Variants in ADCY2 observed in about 807,000 individuals in gnomAD.
ADCY2 encodes the protein adenylate cyclase type 2.
ADCY2 carries 31 observed loss-of-function variants against 125.2 expected under a neutral mutation model. The ratio of observed to expected loss-of-function variants is 0.25; its 90% confidence interval spans 0.19 to 0.33. The LOEUF (loss-of-function observed/expected upper bound fraction) is 0.33. ADCY2 is among the 10% of genes least tolerant of loss of function. ADCY2 has a pLI of 1.00. For missense variants in ADCY2, 904 were observed against 1,418.2 expected, an observed-to-expected ratio of 0.64 and a Z score of 5.82; for synonymous variants, 512 against 548.4, an observed-to-expected ratio of 0.93 and a Z score of 0.93.
intron 4 of ADCY2, among the ~76,000 whole-genome samples, chr5:7,663,781 G>C (rs898273464): frequency 6.6e-6 from 1 of 152,152 alleles, no homozygotes; most frequent in African/African-American, 2.4e-5. Context: ...GGGGCCCTGA[G>C]ATTAATGACA....
intron 22 of ADCY2, among the ~76,000 whole-genome samples, chr5:7,811,972 T>C (rs1744958021): frequency 6.6e-6 from 1 of 152,216 alleles, no homozygotes; most frequent in Non-Finnish European, 1.5e-5. Flanking sequence ...TGCTGGTGAC[T>C]GCTCACAGAG....
At chr5:7,469,281 C>G (rs1378994381) in intron 2 of ADCY2, among the ~76,000 whole-genome samples, 7 of 151,880 alleles carry the variant, frequency 4.6e-5, no homozygotes, top group Non-Finnish European at 7.4e-5. Flanking sequence ...ATATGTGTGA[C>G]TATATGAGTA....
intron 4 of ADCY2, among the ~76,000 whole-genome samples, chr5:7,682,813 A>G (rs1280648816): frequency 1.3e-5 from 2 of 152,216 alleles, no homozygotes; most frequent in African/African-American, 2.4e-5. Context: ...TTTGCATCCA[A>G]TGAGAATTAA....
intron 22 of ADCY2, among the ~76,000 whole-genome samples, chr5:7,810,048 A>T (rs1388848134): frequency 6.6e-6 from 1 of 151,978 alleles, no homozygotes; most frequent in Non-Finnish European, 1.5e-5. Flanking sequence ...TGCCCTCAAG[A>T]CCTCACTCTC....
At chr5:7,473,343 C>T (rs1579478910) in intron 2 of ADCY2, among the ~76,000 whole-genome samples, 1 of 152,114 alleles carries the variant, frequency 6.6e-6, no homozygotes, top group African/African-American at 2.4e-5. Flanking sequence ...GTGCAGACAT[C>T]ACATGGTGAG....
chr5:7,555,841 G>C (rs1435267935), intron 3 of ADCY2, among the ~76,000 whole-genome samples: 3 of 141,974 alleles, frequency 2.1e-5, no homozygotes, highest in African/African-American at 8.0e-5. Flanking sequence ...TTCTTTTACA[G>C]ACACATGTGA....
intron 4 of ADCY2, among the ~76,000 whole-genome samples, chr5:7,677,979 T>G (rs1181599414): frequency 6.6e-6 from 1 of 152,244 alleles, no homozygotes; most frequent in East Asian, 1.9e-4. Context: ...CATGTCAATT[T>G]AGTACTCTTA....
chr5:7,761,871 G>A (rs1020961631), intron 16 of ADCY2, among the ~76,000 whole-genome samples: 1 of 152,210 alleles, frequency 6.6e-6, no homozygotes, highest in Non-Finnish European at 1.5e-5. Flanking sequence ...CCTTTAGAGA[G>A]AGAACACCTG....
chr5:7,634,321 G>C (rs1267518191), intron 4 of ADCY2, among the ~76,000 whole-genome samples: 1 of 152,022 alleles, frequency 6.6e-6, no homozygotes, highest in Non-Finnish European at 1.5e-5. Flanking sequence ...TGAACTTTAG[G>C]GTTTTGTAAA....
intron 22 of ADCY2, among the ~76,000 whole-genome samples, chr5:7,805,404 T>G (rs933715708): frequency 6.6e-6 from 1 of 152,146 alleles, no homozygotes; most frequent in Admixed American, 6.5e-5. Context: ...TTGGGCAAAA[T>G]TGAATATCTT....
intron 4 of ADCY2, among the ~76,000 whole-genome samples, chr5:7,651,791 TTTTATTTA>T (rs796689635): frequency 7.2e-5 from 11 of 152,138 alleles, no homozygotes; most frequent in African/African-American, 2.6e-4. Flanking sequence ...CTTCACGTCT[TTTTATTTA>T]TTTATTTATT....
chr5:7,439,928 A>G (rs1740948324), intron 2 of ADCY2, among the ~76,000 whole-genome samples: 1 of 152,062 alleles, frequency 6.6e-6, no homozygotes, highest in Non-Finnish European at 1.5e-5. Flanking sequence ...GGGTGAGAGG[A>G]GAGTTCAGAG....
In ADCY2 at chr5:7,697,518, A is replaced by G. The variant is rs570928756; in HGVS notation, c.982-729A>G. Among the ~76,000 whole-genome samples, 8 of 152,312 alleles carry G rather than the reference A, an allele frequency of 5.3e-5. No individual in the cohort carries two copies. In the East Asian group the frequency reaches 1.5e-3, roughly 29 times the overall value. ...ATTCACTGTAACTGTCATGTTTTCT[A>G]GTCTCAGAATAGCTGTTTGGGAAGT... On this transcript the variant is annotated intron_variant, in intron 6 of 24. Coordinates refer to ENST00000338316, the MANE Select transcript of ADCY2 (RefSeq NM_020546.3).
At chr5:7,448,534 C>T (rs1741363057) in intron 2 of ADCY2, among the ~76,000 whole-genome samples, 1 of 151,842 alleles carries the variant, frequency 6.6e-6, no homozygotes, top group Admixed American at 6.6e-5. Context: ...AGGTTTGTTA[C>T]ACAGGTGAGC....
At chr5:7,779,583 CCA>C in intron 18 of ADCY2, among the ~76,000 whole-genome samples, 1 of 152,232 alleles carries the variant, frequency 6.6e-6, no homozygotes, top group East Asian at 1.9e-4. Flanking sequence ...AACCCCCCCC[CCA>C]ACACACACTT....
intron 3 of ADCY2, among the ~76,000 whole-genome samples, chr5:7,578,051 C>G (rs1268690632): frequency 6.6e-6 from 1 of 152,212 alleles, no homozygotes. Context: ...GAAAAGACAT[C>G]ACATTTTCAA....
intron 21 of ADCY2, among the ~76,000 whole-genome samples, chr5:7,803,463 C>A (rs1045736779): frequency 8.5e-5 from 13 of 152,326 alleles, no homozygotes; most frequent in Admixed American, 8.5e-4. Flanking sequence ...TCCAGGGCAT[C>A]CTTCATGTTC....
At chr5:7,598,133 G>A (rs1737071953) in intron 3 of ADCY2, among the ~76,000 whole-genome samples, 1 of 152,216 alleles carries the variant, frequency 6.6e-6, no homozygotes, top group Non-Finnish European at 1.5e-5. Flanking sequence ...TGCAGCTTGG[G>A]CTGGACTGGG....
At chr5:7,593,292 C>T (rs1009075679) in intron 3 of ADCY2, among the ~76,000 whole-genome samples, 1 of 152,190 alleles carries the variant, frequency 6.6e-6, no homozygotes, top group African/African-American at 2.4e-5. Flanking sequence ...AAAAGTACCT[C>T]TATATTATTT....
Sources: gnomAD v4.1 joint callset for allele counts (sites outside exome capture counted in the v4.1 genomes callset) on GRCh38, gnomAD v4.1.1 for gene constraint, MANE v1.5 for transcripts, NCBI Gene and HGNC (gene_info 2026-07-23, HGNC 2026-07-21) for gene names.